AGO3: variants seen among roughly 807,000 people sequenced by gnomAD.
AGO3 encodes the protein argonaute RISC catalytic component 3.
AGO3 carries 16 observed loss-of-function variants against 105.5 expected under a neutral mutation model. That is an observed-to-expected ratio of 0.15 (90% confidence interval 0.10 to 0.23). The LOEUF (loss-of-function observed/expected upper bound fraction) is 0.23. AGO3 is among the 10% of genes least tolerant of loss of function. AGO3 has a pLI of 1.00. For synonymous variants in AGO3, 340 were observed against 367.3 expected, an observed-to-expected ratio of 0.93 and a Z score of 0.85; for missense variants, 534 against 1,088.0, an observed-to-expected ratio of 0.49 and a Z score of 7.16.
chr1:36,003,523 C>T (rs1189173934), intron 5 of AGO3, among the ~76,000 whole-genome samples: 2 of 150,916 alleles, frequency 1.3e-5, no homozygotes, highest in Non-Finnish European at 2.9e-5. Flanking sequence ...GGAGAAACCC[C>T]GTCTCTACTA....
chr1:35,962,472 G>C (rs565337367), intron 2 of AGO3, among the ~76,000 whole-genome samples: 2 of 151,888 alleles, frequency 1.3e-5, no homozygotes, highest in Non-Finnish European at 2.9e-5. Flanking sequence ...GAACCCAGGA[G>C]GGGGAGCTTG....
At chr1:36,030,504 C>CA (rs547766292) in intron 12 of AGO3, among the ~76,000 whole-genome samples, 1,854 of 70,234 alleles carry the variant, frequency 0.026, 37 homozygotes, top group African/African-American at 0.074. Flanking sequence ...GACCCTTTCT[C>CA]AAAAAAAAAA....
intron 2 of AGO3, among the ~76,000 whole-genome samples, chr1:35,950,146 A>G (rs1176445290): frequency 1.3e-5 from 2 of 152,038 alleles, no homozygotes; most frequent in Non-Finnish European, 2.9e-5. Flanking sequence ...GCTTGAACCC[A>G]GAAGGCAGAG....
At chr1:36,013,827 T>A in intron 10 of AGO3, 75 bp downstream of exon 10, 1 of 1,601,374 alleles carries the variant, frequency 6.2e-7, no homozygotes, top group Non-Finnish European at 8.5e-7. Flanking sequence ...ATCAGAAATA[T>A]TTCAATTCAG....
rs117495150 is a variant in AGO3, at chr1:35,951,964, G to A, written c.191+6101G>A. On this transcript the variant is annotated intron_variant, in intron 2 of 18. Coordinates refer to ENST00000373191, the MANE Select transcript of AGO3 (RefSeq NM_024852.4). The stretch of plus-strand genomic sequence containing the variant: ...ATATTGCCAGAGAGGATGTACAGCC[G>A]TCACTTCAATGTAATTTTAGAACAT... 8.7e-4 allele frequency among the ~76,000 whole-genome samples: 132 copies of A among 152,006 alleles called. 1 individual carries two copies. In the East Asian group the frequency reaches 0.021, roughly 24 times the overall value.
intron 2 of AGO3, among the ~76,000 whole-genome samples, chr1:35,953,527 A>AT (rs755046844): frequency 0.064 from 9,042 of 140,840 alleles, 848 homozygotes; most frequent in African/African-American, 0.21. Flanking sequence ...TCCTTTGCTA[A>AT]TTTTTTTTTT....
rs1247829884 is a variant in AGO3 at position 36,008,039 on chromosome 1, A to G, written c.794-651A>G. 6.6e-6 allele frequency among the ~76,000 whole-genome samples: 1 copy of G among 152,194 alleles called. No individual in the cohort carries two copies. Among genetic ancestry groups the G allele is most frequent in the Non-Finnish European group, 1.5e-5 (1 of 68,034 alleles). Reference sequence around the variant, plus strand: ...GTTTATTGCTTACATCAGATTCTCAAAGGGATCTTGACTCCATAAGAGGGT... The same window carrying G: ...GTTTATTGCTTACATCAGATTCTCAGAGGGATCTTGACTCCATAAGAGGGT... On this transcript the variant is annotated intron_variant, in intron 6 of 18. Coordinates refer to ENST00000373191, the MANE Select transcript of AGO3 (RefSeq NM_024852.4). The surrounding 1 kb of genome is among the most constrained non-coding windows in gnomAD (Gnocchi z 5.1).
At chr1:35,963,088 A>G (rs1646707526) in intron 2 of AGO3, among the ~76,000 whole-genome samples, 1 of 152,246 alleles carries the variant, frequency 6.6e-6, no homozygotes, top group African/African-American at 2.4e-5. Flanking sequence ...TTGGCAGTAC[A>G]TCATTTACTT....
chr1:36,047,140 G>A (rs1642506959), intron 17 of AGO3, among the ~76,000 whole-genome samples: 1 of 152,054 alleles, frequency 6.6e-6, no homozygotes, highest in Non-Finnish European at 1.5e-5. Context: ...CTACTCGAGA[G>A]GCTGAGGCAG....
intron 5 of AGO3, among the ~76,000 whole-genome samples, chr1:35,978,579 A>G (rs1439835956): frequency 6.6e-6 from 1 of 152,126 alleles, no homozygotes; most frequent in Non-Finnish European, 1.5e-5. Context: ...TATATCTGCC[A>G]ACTTCCTCTT....
chr1:36,009,865 C>T (rs889762056), intron 9 of AGO3, among the ~76,000 whole-genome samples: 4 of 151,330 alleles, frequency 2.6e-5, no homozygotes, highest in East Asian at 1.9e-4. Context: ...TAAACTGGAA[C>T]CTCCACCTAA....
rs984150522 is a variant in AGO3 at position 36,071,652 on chromosome 1, A to G, written c.*15907A>G. 2.0e-5 allele frequency: 3 copies of G among 152,146 alleles called. No homozygotes were observed. The highest frequency in any genetic ancestry group is 7.2e-5 in the African/African-American group (3 of 41,444). 9.4% of individuals were successfully genotyped at this position (152,146 alleles called of 1,614,324 possible). A position where few individuals can be genotyped will look rare whatever the true frequency, so the allele number is the denominator to read the frequency against. ...TGTTGTTGTTGGCTTTTCATAAGTA[A>G]GAAAAATTTATTGTAGTATTTCAAG... On this transcript the variant is annotated 3_prime_UTR_variant, in exon 19 of 19. Coordinates refer to ENST00000373191, the MANE Select transcript of AGO3 (RefSeq NM_024852.4).
chr1:35,959,620 A>G (rs920375179), intron 2 of AGO3, among the ~76,000 whole-genome samples: 1 of 152,176 alleles, frequency 6.6e-6, no homozygotes, highest in African/African-American at 2.4e-5. Flanking sequence ...TTGTTTAACA[A>G]TATACACTTA....
intron 2 of AGO3, among the ~76,000 whole-genome samples, chr1:35,946,173 C>A (rs1316884702): frequency 6.6e-6 from 1 of 152,100 alleles, no homozygotes; most frequent in Non-Finnish European, 1.5e-5. Context: ...GGTAATATGT[C>A]CATGCTTGCT....
chr1:36,054,220 A>G (rs542939422), intron 17 of AGO3, among the ~76,000 whole-genome samples: 35 of 152,100 alleles, frequency 2.3e-4, no homozygotes, highest in African/African-American at 8.0e-4. Flanking sequence ...GAGACTAAAA[A>G]CTGTTCTTTA....
chr1:35,997,698 T>C (rs1639894460), intron 5 of AGO3, among the ~76,000 whole-genome samples: 1 of 152,138 alleles, frequency 6.6e-6, no homozygotes, highest in Non-Finnish European at 1.5e-5. Context: ...AGCATCTGTA[T>C]TCTCTGGGGT....
rs1647023769 is a variant in AGO3, at chr1:35,980,016, C to CT, written c.658+6508dup. On this transcript the variant is annotated intron_variant, in intron 5 of 18. Transcript: ENST00000373191. ...TTTTACATTTGTATATATTTTGAAACTTTGAGTGTTGTGTTTTCTGTGCTT... is the reference window on the plus strand; with the variant it reads ...TTTTACATTTGTATATATTTTGAAACTTTTGAGTGTTGTGTTTTCTGTGCTT... Among the ~76,000 whole-genome samples the CT allele has an allele frequency of 2.0e-5, 3 of 152,010 alleles. No individual in the cohort carries two copies. The South Asian group carries it at 6.2e-4, about 31-fold the overall frequency.
chr1:35,949,461 A>C (rs1646429773), intron 2 of AGO3, among the ~76,000 whole-genome samples: 1 of 152,232 alleles, frequency 6.6e-6, no homozygotes, highest in Non-Finnish European at 1.5e-5. Flanking sequence ...GTGGTGGCTC[A>C]GTTCCTGTGC....
At chr1:35,993,394 T>A (rs1402938700) in intron 5 of AGO3, among the ~76,000 whole-genome samples, 5 of 151,918 alleles carry the variant, frequency 3.3e-5, no homozygotes, top group Non-Finnish European at 7.4e-5. Context: ...AATCAGGAAA[T>A]TAGGAAAAAG....
Sources: allele counts gnomAD v4.1 joint callset (sites outside exome capture counted in the v4.1 genomes callset), GRCh38; gene constraint gnomAD v4.1.1; non-coding constraint Gnocchi (gnomAD v3.1); transcripts MANE v1.5; gene names NCBI Gene and HGNC (gene_info 2026-07-23, HGNC 2026-07-21).